YPEL1: variants seen among roughly 807,000 people sequenced by gnomAD.
The protein encoded by YPEL1 is yippee like 1, also known as protein yippee-like 1.
In YPEL1, 7 loss-of-function variants were observed where a neutral mutation model predicts 17.3. The observed-to-expected ratio is 0.40, with a 90% CI of 0.23 to 0.76. The LOEUF (loss-of-function observed/expected upper bound fraction) is 0.76. Among genes scored for constraint, YPEL1 ranks in the 30% least tolerant of loss-of-function variants. The pLI, the probability that YPEL1 is intolerant of heterozygous loss-of-function variation, is 0.35. For missense variants in YPEL1, 91 were observed against 155.5 expected (o/e 0.59, Z 2.21); for synonymous variants, 59 against 59.6 (o/e 0.99, Z 0.05).
intron 1 of YPEL1, among the ~76,000 whole-genome samples, chr22:21,728,218 C>T (rs557904569): frequency 5.9e-5 from 9 of 152,232 alleles, no homozygotes; most frequent in African/African-American, 1.2e-4. Flanking sequence ...TCTCCACCTC[C>T]GCTCCCACTC....
At chr22:21,705,147 G>C (rs530453436) in intron 2 of YPEL1, among the ~76,000 whole-genome samples, 1 of 152,246 alleles carries the variant, frequency 6.6e-6, no homozygotes, top group South Asian at 2.1e-4. Flanking sequence ...TGTATTTTTA[G>C]AGATAGGATA....
chr22:21,718,635 A>G (rs1601635748), intron 1 of YPEL1, among the ~76,000 whole-genome samples: 1 of 152,144 alleles, frequency 6.6e-6, no homozygotes, highest in African/African-American at 2.4e-5. Flanking sequence ...ATACTGCTGG[A>G]CCAAGCACAT....
At chr22:21,720,513 GAC>G (rs1220050708) in intron 1 of YPEL1, among the ~76,000 whole-genome samples, 4 of 150,198 alleles carry the variant, frequency 2.7e-5, no homozygotes, top group Admixed American at 2.7e-4. Flanking sequence ...GATTTTTTGA[GAC>G]AGTCTCACTC....
At chr22:21,704,956 C>A (rs529380399) in intron 2 of YPEL1, among the ~76,000 whole-genome samples, 3 of 152,166 alleles carry the variant, frequency 2.0e-5, no homozygotes, top group East Asian at 1.9e-4. Flanking sequence ...CAAACCAAAT[C>A]AAAAATTTTG....
At chr22:21,716,406 A>T (rs956780443) in intron 1 of YPEL1, among the ~76,000 whole-genome samples, 6 of 152,272 alleles carry the variant, frequency 3.9e-5, no homozygotes, top group Admixed American at 3.9e-4. Context: ...CCATCTGGGG[A>T]AACCAGAAAC....
At chr22:21,728,404 C>T (rs1022529772) in intron 1 of YPEL1, among the ~76,000 whole-genome samples, 16 of 152,328 alleles carry the variant, frequency 1.1e-4, no homozygotes, top group African/African-American at 3.8e-4. Context: ...AAAGGACGTG[C>T]AGCGGCTCCC....
At position 21,710,680 on chromosome 22, in the gene YPEL1, C is replaced by CGT; in HGVS notation, c.64_65insAC (p.Ser22AsnfsTer35). 6.2e-7 allele frequency: 1 copy of CGT among 1,614,232 alleles called. No homozygotes were observed. Among genetic ancestry groups the CGT allele is most frequent in the Non-Finnish European group, 8.5e-7 (1 of 1,180,048 alleles). On this transcript the variant is annotated frameshift_variant, in exon 2 of 5. Transcript: ENST00000339468. LOFTEE classifies it high-confidence loss of function. ...CAGGTGTGCTCTGCAGTGGATACAGCTGTACGTTCGGTGACAGTTCGGCAG... is the reference window on the plus strand; with the variant it reads ...CAGGTGTGCTCTGCAGTGGATACAGCGTTGTACGTTCGGTGACAGTTCGGCAG...
chr22:21,724,882 G>A (rs2068318783), intron 1 of YPEL1, among the ~76,000 whole-genome samples: 1 of 151,302 alleles, frequency 6.6e-6, no homozygotes. Context: ...ACCAGCCTAA[G>A]AAAATAAAAT....
chr22:21,719,882 C>T (rs948767969), intron 1 of YPEL1, among the ~76,000 whole-genome samples: 2 of 148,590 alleles, frequency 1.3e-5, no homozygotes, highest in African/African-American at 2.4e-5. Flanking sequence ...AAAATTACAG[C>T]GCACCTGTAA....
chr22:21,710,863 G>T lies in YPEL1; in HGVS notation c.-119C>A. The T allele has an allele frequency of 1.1e-6, 1 of 880,150 alleles. No homozygotes were observed. The allele number at this position is 880,150 out of a possible 1,614,324, so 54.5% of individuals were successfully genotyped here. On this transcript the variant is annotated 5_prime_UTR_variant, in exon 2 of 5. Coordinates refer to ENST00000339468, the MANE Select transcript of YPEL1 (RefSeq NM_013313.5). Reference sequence around the variant, plus strand: ...CGCAAGAGCCGTCGTTGTCCAGGAGGGCGTGTGGCACTGTCCACACAGCTG... The same window carrying T: ...CGCAAGAGCCGTCGTTGTCCAGGAGTGCGTGTGGCACTGTCCACACAGCTG...
rs710172 is a variant in YPEL1 at position 21,700,991 on chromosome 22, A to C, written c.*138T>G. The stretch of plus-strand genomic sequence containing the variant: ...GACACCTTACCCACAGAGATGGCCG[A>C]GAGTGTCAAGAGCTATGCGCAGCTA... On this transcript the variant is annotated 3_prime_UTR_variant, in exon 5 of 5. Coordinates refer to ENST00000339468, the MANE Select transcript of YPEL1 (RefSeq NM_013313.5). 1 of 650,098 alleles carries C rather than the reference A, an allele frequency of 1.5e-6. No individual in the cohort carries two copies. Among genetic ancestry groups the C allele is most frequent in the Non-Finnish European group, 2.7e-6 (1 of 375,116 alleles). The allele number at this position is 650,098 out of a possible 1,614,324, so 40.3% of individuals were successfully genotyped here. A position where few individuals can be genotyped will look rare whatever the true frequency, so the allele number is the denominator to read the frequency against.
intron 1 of YPEL1, among the ~76,000 whole-genome samples, chr22:21,724,483 G>C (rs764027332): frequency 6.6e-6 from 1 of 152,068 alleles, no homozygotes; most frequent in Non-Finnish European, 1.5e-5. Flanking sequence ...GTTGCTGTGA[G>C]CCATGATCGC....
intron 1 of YPEL1, among the ~76,000 whole-genome samples, chr22:21,717,870 T>G (rs965822160): frequency 1.3e-5 from 2 of 152,192 alleles, no homozygotes; most frequent in Non-Finnish European, 2.9e-5. Context: ...CTCACACTTG[T>G]CATCCCAGCA....
At chr22:21,707,227 G>A (rs988369027) in intron 2 of YPEL1, among the ~76,000 whole-genome samples, 6 of 152,132 alleles carry the variant, frequency 3.9e-5, no homozygotes, top group Non-Finnish European at 5.9e-5. Context: ...AGACCAGCCT[G>A]GACAACATGG....
chr22:21,718,143 AC>A (rs1266245064), intron 1 of YPEL1, among the ~76,000 whole-genome samples: 17 of 147,670 alleles, frequency 1.2e-4, no homozygotes, highest in African/African-American at 3.8e-4. Flanking sequence ...AAAAAAAAAA[AC>A]AAAAACAAAA....
intron 1 of YPEL1, among the ~76,000 whole-genome samples, chr22:21,731,356 G>A (rs1017865341): frequency 1.3e-5 from 2 of 151,698 alleles, no homozygotes; most frequent in Non-Finnish European, 2.9e-5. Context: ...AAGAAAAGGG[G>A]AGGTGTAGGA....
intron 1 of YPEL1, among the ~76,000 whole-genome samples, chr22:21,723,824 C>G (rs867356748): frequency 9.2e-5 from 14 of 151,686 alleles, no homozygotes; most frequent in Admixed American, 3.9e-4. Flanking sequence ...CGTCATCACG[C>G]CCAGCTGATT....
intron 1 of YPEL1, among the ~76,000 whole-genome samples, chr22:21,724,418 T>A (rs2068312559): frequency 6.6e-6 from 1 of 151,872 alleles, no homozygotes; most frequent in South Asian, 2.1e-4. Flanking sequence ...GCACCTGCAA[T>A]CCCAGCTACT....
intron 1 of YPEL1, among the ~76,000 whole-genome samples, chr22:21,713,435 T>G (rs966014349): frequency 2.0e-5 from 3 of 152,170 alleles, no homozygotes; most frequent in African/African-American, 7.2e-5. Context: ...TATCCAGCCT[T>G]TAACAGGAGG....
Sources: allele counts gnomAD v4.1 joint callset (sites outside exome capture counted in the v4.1 genomes callset), GRCh38; gene constraint gnomAD v4.1.1; transcripts MANE v1.5; gene names NCBI Gene and HGNC (gene_info 2026-07-23, HGNC 2026-07-21).